The following AGBL1 variants were observed in gnomAD, a reference collection of about 807,000 sequenced individuals.
The protein encoded by AGBL1 is AGBL carboxypeptidase 1.
AGBL1 carries 130 observed loss-of-function variants against 118.9 expected under a neutral mutation model. The observed-to-expected ratio is 1.09, with a 90% CI of 0.95 to 1.26. The LOEUF (loss-of-function observed/expected upper bound fraction) is 1.26, where lower values mean the gene tolerates loss of function less well. AGBL1 is among the 50% of genes most tolerant of loss of function. The pLI is 0.00. For missense variants in AGBL1, 1,584 were observed against 1,298.1 expected (o/e 1.22, Z -3.38); for synonymous variants, 555 against 478.9 (o/e 1.16, Z -2.08).
chr15:86,415,193 T>C (rs1281986476), intron 18 of AGBL1, among the ~76,000 whole-genome samples: 1 of 152,164 alleles, frequency 6.6e-6, no homozygotes, highest in Admixed American at 6.6e-5. Flanking sequence ...TCCCCACCAA[T>C]GATCCGTTCT....
intron 24 of AGBL1, among the ~76,000 whole-genome samples, chr15:87,028,265 G>A (rs1054223607): frequency 1.3e-5 from 2 of 151,844 alleles, no homozygotes; most frequent in African/African-American, 4.8e-5. Flanking sequence ...TTTGTAAGCT[G>A]TATTATAATA....
intron 18 of AGBL1, among the ~76,000 whole-genome samples, chr15:86,450,318 G>T (rs1196800902): frequency 6.6e-6 from 1 of 152,152 alleles, no homozygotes; most frequent in African/African-American, 2.4e-5. Flanking sequence ...CCCTACCCTG[G>T]ACCTGGTGCA....
At chr15:86,261,059 C>G (rs1189143085) in intron 9 of AGBL1, among the ~76,000 whole-genome samples, 3 of 152,172 alleles carry the variant, frequency 2.0e-5, no homozygotes, top group African/African-American at 7.2e-5. Context: ...ATGGGTGTGG[C>G]TCTTTTCCAA....
chr15:86,890,351 C>T (rs1378103945), intron 22 of AGBL1, among the ~76,000 whole-genome samples: 1 of 152,066 alleles, frequency 6.6e-6, no homozygotes, highest in Non-Finnish European at 1.5e-5. Context: ...TTTTTTCACT[C>T]TGATTGATAA....
chr15:86,583,222 G>A lies in AGBL1; in HGVS notation c.2994+28685G>A, dbSNP rs529018123. ...TGCAGGATTGTTACTTGAGTATATT[G>A]AGTGATGCTGAAGTTTGGGGTACAA... is the stretch of plus-strand genomic sequence containing the variant. On this transcript the variant is annotated intron_variant, in intron 21 of 22. Transcript: ENST00000614907. Among the ~76,000 whole-genome samples the A allele has an allele frequency of 3.0e-3, 462 of 151,952 alleles. 1 individual carries two copies. The highest frequency in any genetic ancestry group is 0.011 in the African/African-American group (450 of 41,432).
chr15:86,844,451 C>T (rs1054266360), intron 22 of AGBL1, among the ~76,000 whole-genome samples: 6 of 152,056 alleles, frequency 3.9e-5, no homozygotes, highest in African/African-American at 1.4e-4. Flanking sequence ...TTTGCATTTC[C>T]TTAACAACTA....
At chr15:86,263,116 C>T (rs1417896935) in intron 10 of AGBL1, among the ~76,000 whole-genome samples, 1 of 152,210 alleles carries the variant, frequency 6.6e-6, no homozygotes, top group African/African-American at 2.4e-5. Flanking sequence ...CAGTCTGACA[C>T]CTTACACTTA....
At chr15:86,472,706 G>A (rs1181366172) in intron 18 of AGBL1, among the ~76,000 whole-genome samples, 1 of 152,172 alleles carries the variant, frequency 6.6e-6, no homozygotes. Context: ...ATCACCTGAG[G>A]TCAGGAGTTC....
intron 22 of AGBL1, among the ~76,000 whole-genome samples, chr15:86,729,179 G>A (rs1180800973): frequency 1.3e-5 from 2 of 152,086 alleles, no homozygotes; most frequent in Admixed American, 6.5e-5. Flanking sequence ...TAGATAAAGA[G>A]AACAATAGTG....
At chr15:86,960,868 T>C (rs556343162) in intron 23 of AGBL1, among the ~76,000 whole-genome samples, 6 of 152,164 alleles carry the variant, frequency 3.9e-5, no homozygotes, top group Non-Finnish European at 7.4e-5. Context: ...CACTTATATG[T>C]AGAACCTAAA....
intron 17 of AGBL1, among the ~76,000 whole-genome samples, chr15:86,347,516 G>T (rs1408005817): frequency 6.6e-6 from 1 of 152,188 alleles, no homozygotes; most frequent in Non-Finnish European, 1.5e-5. Context: ...TTCAAATGTC[G>T]CAAGAAATGA....
intron 22 of AGBL1, among the ~76,000 whole-genome samples, chr15:86,827,485 GTGTGTATATATATATATATATATATA>G (rs2079042305): frequency 7.8e-4 from 3 of 3,860 alleles, no homozygotes; most frequent in African/African-American, 1.7e-3. Context: ...ATATATATAT[GTGTGTATATATATATATATATATATA>G]TATATATATA....
At position 86,515,189 on chromosome 15, in the gene AGBL1, A is replaced by G. The variant is rs575104652; in HGVS notation, c.2556-7621A>G. ...TTTACTGATTTGCATGCTTCTGAAT[A>G]ATACCTCTTGTCTAGGTTCATTGGG... On this transcript the variant is annotated intron_variant, in intron 18 of 22. Coordinates refer to ENST00000614907, the MANE Select transcript of AGBL1 (RefSeq NM_001386094.1). Among the ~76,000 whole-genome samples the G allele has an allele frequency of 1.8e-3, 272 of 152,342 alleles. 9 individuals are homozygous for G. The South Asian group carries it at 0.054, about 30-fold the overall frequency.
chr15:86,904,659 T>C (rs1217053455), intron 22 of AGBL1, among the ~76,000 whole-genome samples: 1 of 148,758 alleles, frequency 6.7e-6, no homozygotes, highest in African/African-American at 2.4e-5. Flanking sequence ...TATGTTATTA[T>C]ATATAAATAT....
At chr15:86,772,317 A>G (rs1368274962) in intron 22 of AGBL1, among the ~76,000 whole-genome samples, 1 of 152,092 alleles carries the variant, frequency 6.6e-6, no homozygotes, top group Non-Finnish European at 1.5e-5. Flanking sequence ...ATATTACCCA[A>G]GCAGCACCAG....
chr15:86,616,467 T>C (rs2084727788), intron 21 of AGBL1, among the ~76,000 whole-genome samples: 1 of 151,892 alleles, frequency 6.6e-6, no homozygotes, highest in African/African-American at 2.4e-5. Context: ...GGCAGGGTGA[T>C]AAAATGGGAA....
intron 22 of AGBL1, among the ~76,000 whole-genome samples, chr15:86,713,296 G>A (rs1234065001): frequency 6.6e-6 from 1 of 152,162 alleles, no homozygotes; most frequent in Non-Finnish European, 1.5e-5. Flanking sequence ...TGCTAGGGGT[G>A]GAGCAGAAGA....
chr15:86,478,176 C>T (rs1012058008), intron 18 of AGBL1, among the ~76,000 whole-genome samples: 8 of 152,150 alleles, frequency 5.3e-5, no homozygotes, highest in Non-Finnish European at 8.8e-5. Context: ...GGGCACAAGA[C>T]AGAGATGCCC....
chr15:86,279,623 C>T lies in AGBL1; in HGVS notation c.2076-16C>T, dbSNP rs757285715. 4 of 1,611,546 alleles carry T rather than the reference C, an allele frequency of 2.5e-6. No homozygotes were observed. The South Asian group carries it at 3.3e-5, about 13-fold the overall frequency. Reference sequence around the variant, plus strand: ...CCTCTCCCTTATTCTCTTCTCTTCTCCTCCTCTCTCTTTAGAAATCATTAT... The same window carrying T: ...CCTCTCCCTTATTCTCTTCTCTTCTTCTCCTCTCTCTTTAGAAATCATTAT... On this transcript the variant is annotated splice_polypyrimidine_tract_variant and intron_variant, in intron 15 of 22. Transcript: ENST00000614907.
Sources: allele counts gnomAD v4.1 joint callset (sites outside exome capture counted in the v4.1 genomes callset), GRCh38; gene constraint gnomAD v4.1.1; transcripts MANE v1.5; gene names NCBI Gene and HGNC (gene_info 2026-07-23, HGNC 2026-07-21).